The following TBC1D30 variants were observed in gnomAD, a reference collection of about 807,000 sequenced individuals.
The protein encoded by TBC1D30 is TBC1 domain family, member 30.
Under a neutral mutation model 63.2 loss-of-function variants are expected in TBC1D30, and 31 were observed. The observed-to-expected ratio is 0.49, with a 90% CI of 0.37 to 0.66. The LOEUF is 0.66. Among genes scored for constraint, TBC1D30 ranks in the 30% least tolerant of loss-of-function variants. TBC1D30 has a pLI of 0.00. For missense variants in TBC1D30, 810 were observed against 953.6 expected (o/e 0.85, Z 1.98); for synonymous variants, 307 against 361.5 (o/e 0.85, Z 1.71).
At chr12:64,793,058 C>T (rs7974210) in intron 2 of TBC1D30, among the ~76,000 whole-genome samples, 93,670 of 151,952 alleles carry the variant, frequency 0.62, 29,203 homozygotes, top group East Asian at 0.89. Flanking sequence ...AGAGCAAGCT[C>T]GCTGGGTGTG....
At chr12:64,847,857 G>T (rs867220214) in intron 8 of TBC1D30, among the ~76,000 whole-genome samples, 13 of 152,066 alleles carry the variant, frequency 8.5e-5, no homozygotes, top group Middle Eastern at 3.4e-3. Context: ...TATTCTACAG[G>T]TGTTGGATGA....
intron 3 of TBC1D30, among the ~76,000 whole-genome samples, chr12:64,830,158 A>T (rs1241525298): frequency 2.0e-5 from 3 of 152,218 alleles, no homozygotes; most frequent in Non-Finnish European, 4.4e-5. Context: ...GTGGGAACTC[A>T]ACAAATATTT....
chr12:64,846,653 C>T lies in TBC1D30; in HGVS notation c.1038+3168C>T, dbSNP rs1447095424. 3.3e-5 allele frequency among the ~76,000 whole-genome samples: 5 copies of T among 152,214 alleles called. No homozygotes were observed. The East Asian group carries it at 9.6e-4, about 29-fold the overall frequency. ...TTCCTCCAGTTTTGTTCTTTTTGCT[C>T]GGAATAGCTTTGACTGTTCTGGGTC... On this transcript the variant is annotated intron_variant, in intron 8 of 11. Coordinates refer to ENST00000539867, the MANE Select transcript of TBC1D30 (RefSeq NM_015279.2).
upstream of TBC1D30, among the ~76,000 whole-genome samples, chr12:64,779,612 A>T (rs1871174821): frequency 6.6e-6 from 1 of 152,150 alleles, no homozygotes; most frequent in Non-Finnish European, 1.5e-5. Context: ...CTGAACAAAC[A>T]CGAAACACCA....
intron 1 of TBC1D30, chr12:64,781,353 C>T (rs897490862): frequency 1.9e-5 from 20 of 1,039,176 alleles, no homozygotes; most frequent in Non-Finnish European, 2.2e-5. Flanking sequence ...CGTCTCTGCC[C>T]GCGCTCCAGC....
intron 8 of TBC1D30, among the ~76,000 whole-genome samples, chr12:64,858,890 G>A (rs1877540306): frequency 6.6e-6 from 1 of 152,138 alleles, no homozygotes; most frequent in Non-Finnish European, 1.5e-5. Context: ...GGGGGCTGAG[G>A]AAGAGAGAAG....
chr12:64,802,394 C>T (rs1872626801), intron 2 of TBC1D30, among the ~76,000 whole-genome samples: 1 of 152,100 alleles, frequency 6.6e-6, no homozygotes, highest in African/African-American at 2.4e-5. Flanking sequence ...CCCGAGATGG[C>T]CAGCAGAGGG....
chr12:64,777,546 A>C (rs1389246467), upstream of TBC1D30, among the ~76,000 whole-genome samples: 2 of 152,216 alleles, frequency 1.3e-5, no homozygotes, highest in Non-Finnish European at 2.9e-5. Context: ...AATACAGCTA[A>C]CTAGGGAGGT....
intron 1 of TBC1D30, among the ~76,000 whole-genome samples, chr12:64,761,355 G>C (rs1424244833): frequency 6.6e-6 from 1 of 152,182 alleles, no homozygotes; most frequent in African/African-American, 2.4e-5. Flanking sequence ...AGAGGCGATT[G>C]AACCAGAGCA....
intron 1 of TBC1D30, among the ~76,000 whole-genome samples, chr12:64,772,539 T>C (rs113225983): frequency 0.068 from 10,351 of 151,958 alleles, 959 homozygotes; most frequent in African/African-American, 0.21. Flanking sequence ...AAGCAATTCT[T>C]CTGCCTCAGC....
At chr12:64,857,217 A>G (rs905122140) in intron 8 of TBC1D30, among the ~76,000 whole-genome samples, 1 of 152,126 alleles carries the variant, frequency 6.6e-6, no homozygotes, top group African/African-American at 2.4e-5. Flanking sequence ...CCCTGAAACC[A>G]GCATGTCTCA....
At chr12:64,831,773 A>G (rs1479344028) in intron 4 of TBC1D30, among the ~76,000 whole-genome samples, 1 of 152,176 alleles carries the variant, frequency 6.6e-6, no homozygotes, top group African/African-American at 2.4e-5. Context: ...TGTGATGACT[A>G]TTGTTTTACC....
intron 8 of TBC1D30, among the ~76,000 whole-genome samples, chr12:64,862,518 T>TGGGGC (rs1222493594): frequency 1.3e-5 from 2 of 152,168 alleles, no homozygotes; most frequent in African/African-American, 4.8e-5. Context: ...CCATCATCCC[T>TGGGGC]GGGGCAGGGC....
chr12:64,856,189 C>T (rs1425926827), intron 8 of TBC1D30, among the ~76,000 whole-genome samples: 2 of 152,070 alleles, frequency 1.3e-5, no homozygotes, highest in East Asian at 1.9e-4. Context: ...CGGTGCCACA[C>T]ACTTTTAAAC....
chr12:64,840,027 A>AAAAAAAAAAAAAAAAAAC (rs1555171793), intron 7 of TBC1D30, among the ~76,000 whole-genome samples: 3 of 145,814 alleles, frequency 2.1e-5, no homozygotes, highest in African/African-American at 5.2e-5. Flanking sequence ...AAAAAAAAAA[A>AAAAAAAAAAAAAAAAAAC]ATCCACCAAC....
chr12:64,792,459 T>C (rs1248094437), intron 2 of TBC1D30, among the ~76,000 whole-genome samples: 1 of 152,260 alleles, frequency 6.6e-6, no homozygotes, highest in African/African-American at 2.4e-5. Context: ...AGATAAACTA[T>C]ACTGTCTCTG....
At chr12:64,830,743 A>G (rs554278901) in intron 4 of TBC1D30, among the ~76,000 whole-genome samples, 3 of 152,382 alleles carry the variant, frequency 2.0e-5, no homozygotes, top group South Asian at 4.1e-4. Flanking sequence ...CATTCAACTT[A>G]TTAATCTTCC....
upstream of TBC1D30, among the ~76,000 whole-genome samples, chr12:64,821,735 A>G (rs888345652): frequency 1.3e-5 from 2 of 152,228 alleles, no homozygotes; most frequent in Non-Finnish European, 2.9e-5. Context: ...GTGTCTTATT[A>G]AAATTAATAC....
At chr12:64,857,755 G>T (rs1877430645) in intron 8 of TBC1D30, among the ~76,000 whole-genome samples, 1 of 152,234 alleles carries the variant, frequency 6.6e-6, no homozygotes, top group Admixed American at 6.5e-5. Flanking sequence ...GGCTTGCTGA[G>T]GAACTCGAGT....
Sources: gnomAD v4.1 joint callset for allele counts (sites outside exome capture counted in the v4.1 genomes callset) on GRCh38, gnomAD v4.1.1 for gene constraint, MANE v1.5 for transcripts, NCBI Gene and HGNC (gene_info 2026-07-23, HGNC 2026-07-21) for gene names.